The following TOM1L1 variants were observed in gnomAD, a reference collection of about 807,000 sequenced individuals.
The protein encoded by TOM1L1 is target of myb1 like 1 membrane trafficking protein.
A neutral mutation model predicts 63.4 loss-of-function variants in TOM1L1; 64 were observed. The ratio of observed to expected loss-of-function variants is 1.01; its 90% CI spans 0.83 to 1.24. The LOEUF (loss-of-function observed/expected upper bound fraction) is 1.24. TOM1L1 is among the 50% of genes most tolerant of loss of function. TOM1L1 has a pLI of 0.00. For missense variants in TOM1L1, 536 were observed against 567.0 expected (o/e 0.95, Z 0.55); for synonymous variants, 166 against 194.4 (o/e 0.85, Z 1.22).
At chr17:54,949,472 G>A in intron 12 of TOM1L1, 46 bp from the exon 13 acceptor site, 1 of 1,404,206 alleles carries the variant, frequency 7.1e-7, no homozygotes. Context: ...TAAAAGAAAA[G>A]CTTAATGTAG....
At chr17:54,953,027 T>C (rs2049313984) in intron 14 of TOM1L1, 1 of 152,246 alleles carries the variant, frequency 6.6e-6, no homozygotes, top group Non-Finnish European at 1.5e-5. Context: ...CATTTCTTCC[T>C]GGATAGGGTC....
At chr17:54,935,797 AT>A in intron 8 of TOM1L1, among the ~76,000 whole-genome samples, 1 of 152,256 alleles carries the variant, frequency 6.6e-6, no homozygotes, top group African/African-American at 2.4e-5. Flanking sequence ...TAGAAGGTCA[AT>A]TTTTTGGTAT....
At chr17:54,957,425 T>A (rs988426147) in intron 14 of TOM1L1, 1 of 152,240 alleles carries the variant, frequency 6.6e-6, no homozygotes, top group Non-Finnish European at 1.5e-5. Context: ...GTTTTTTTAA[T>A]CAGTTTCTCC....
At chr17:54,915,003 C>T (rs2048564176) in intron 6 of TOM1L1, among the ~76,000 whole-genome samples, 1 of 152,156 alleles carries the variant, frequency 6.6e-6, no homozygotes, top group South Asian at 2.1e-4. Flanking sequence ...CTTTCTGGAG[C>T]CTTGACTGTG....
chr17:54,960,699 T>C (rs2077098843), intron 15 of TOM1L1, 72 bp downstream of exon 15: 3 of 1,229,282 alleles, frequency 2.4e-6, no homozygotes, highest in Admixed American at 1.8e-5. Context: ...CTTTACATAT[T>C]TAGTATTTAA....
At chr17:54,909,231 C>A (rs2048459350) in intron 3 of TOM1L1, among the ~76,000 whole-genome samples, 1 of 152,188 alleles carries the variant, frequency 6.6e-6, no homozygotes, top group Non-Finnish European at 1.5e-5. Context: ...TGCACTCCAG[C>A]CTGGGTGACA....
chr17:54,930,369 C>A, intron 8 of TOM1L1, 163 bp downstream of exon 8: 1 of 859,092 alleles, frequency 1.2e-6, no homozygotes. Flanking sequence ...TTCCCTTGTA[C>A]AGCTCCTACT....
At chr17:54,923,321 G>C (rs1454984856) in intron 7 of TOM1L1, among the ~76,000 whole-genome samples, 1 of 151,960 alleles carries the variant, frequency 6.6e-6, no homozygotes, top group African/African-American at 2.4e-5. Context: ...TTGCACAATG[G>C]CTGCACCATT....
At chr17:54,960,392 A>G (rs950610657) in intron 14 of TOM1L1, among the ~76,000 whole-genome samples, 174 bp from the exon 15 acceptor site, 20 of 152,158 alleles carry the variant, frequency 1.3e-4, no homozygotes, top group Non-Finnish European at 1.5e-5. Context: ...GAAGTGCAAC[A>G]TTAGAATTTA....
intron 12 of TOM1L1, among the ~76,000 whole-genome samples, chr17:54,948,270 CAG>C (rs983156742): frequency 1.3e-5 from 2 of 151,698 alleles, no homozygotes; most frequent in African/African-American, 2.4e-5. Context: ...AAAACAAAAA[CAG>C]GGGCATTCTT....
intron 7 of TOM1L1, among the ~76,000 whole-genome samples, chr17:54,920,624 A>C (rs2048668674): frequency 6.6e-6 from 1 of 152,178 alleles, no homozygotes; most frequent in Non-Finnish European, 1.5e-5. Flanking sequence ...TACTAACCTC[A>C]AAATCAGAGC....
At position 54,906,782 on chromosome 17, in the gene TOM1L1, C is replaced by G. The variant is rs537079356; in HGVS notation, c.222+1215C>G. On this transcript the variant is annotated intron_variant, in intron 3 of 15. Coordinates refer to ENST00000575882, the MANE Select transcript of TOM1L1 (RefSeq NM_005486.3). ...CTTGGCAATATGACCTCTTCAGTCACGTTGGTGAGTTGTCCTTTTTACTTT... is the reference window on the plus strand; with the variant it reads ...CTTGGCAATATGACCTCTTCAGTCAGGTTGGTGAGTTGTCCTTTTTACTTT... 4 of 985,498 alleles carry G rather than the reference C, an allele frequency of 4.1e-6. No homozygotes were observed. The South Asian group carries it at 1.4e-4, about 35-fold the overall frequency. 61.0% of individuals were successfully genotyped at this position (985,498 alleles called of 1,614,324 possible).
chr17:54,931,049 T>C (rs2143860967), intron 8 of TOM1L1, among the ~76,000 whole-genome samples: 2 of 151,422 alleles, frequency 1.3e-5, no homozygotes, highest in South Asian at 4.2e-4. Flanking sequence ...CTAAAAGAAA[T>C]AATAATAAAA....
At chr17:54,901,118 T>A in intron 1 of TOM1L1, 195 bp downstream of exon 1, 2 of 705,618 alleles carry the variant, frequency 2.8e-6, no homozygotes, top group Non-Finnish European at 4.7e-6. Flanking sequence ...CAACTCACTG[T>A]AGAACCTCAG....
chr17:54,915,843 A>G lies in TOM1L1; in HGVS notation c.701A>G (p.Glu234Gly). The G allele has an allele frequency of 6.2e-7, 1 of 1,613,604 alleles. No individual in the cohort carries two copies. Among genetic ancestry groups the G allele is most frequent in the Non-Finnish European group, 8.5e-7 (1 of 1,179,586 alleles). ...MENTPGSENHEDIELLQKLYK... is the reference protein window; with the variant it reads ...MENTPGSENHGDIELLQKLYK... ...AATACTCCTGGGTCTGAAAACCATG[A>G]AGACATAGAGCTTCTGCAGGTGTTG... Residue 234 changes from glutamate (E) to glycine (G), a missense_variant, in exon 7 of 16, where the codon GAA becomes GGA. Coordinates refer to ENST00000575882, the MANE Select transcript of TOM1L1 (RefSeq NM_005486.3).
At chr17:54,909,975 A>G (rs2048471477) in intron 3 of TOM1L1, among the ~76,000 whole-genome samples, 1 of 152,200 alleles carries the variant, frequency 6.6e-6, no homozygotes, top group African/African-American at 2.4e-5. Context: ...GTGACATAAT[A>G]GAGGAGGTGA....
intron 11 of TOM1L1, among the ~76,000 whole-genome samples, chr17:54,941,726 T>C (rs2049034460): frequency 6.6e-6 from 1 of 152,250 alleles, no homozygotes; most frequent in South Asian, 2.1e-4. Flanking sequence ...TAATTCAGTA[T>C]GCATAAAAAT....
chr17:54,908,695 C>A (rs2048450348), intron 3 of TOM1L1, among the ~76,000 whole-genome samples: 2 of 152,100 alleles, frequency 1.3e-5, no homozygotes, highest in African/African-American at 2.4e-5. Context: ...TGTGTTTCAG[C>A]AGAATTTTGT....
chr17:54,949,203 A>ATTTTTTTTTTTTTTTT (rs58407367), intron 12 of TOM1L1, among the ~76,000 whole-genome samples: 3 of 122,294 alleles, frequency 2.5e-5, no homozygotes, highest in African/African-American at 6.4e-5. Flanking sequence ...ATGCCCAGCT[A>ATTTTTTTTTTTTTTTT]TTTTTTTTTT....
Sources: gnomAD v4.1 joint callset for allele counts (sites outside exome capture counted in the v4.1 genomes callset) on GRCh38, gnomAD v4.1.1 for gene constraint, MANE v1.5 for transcripts, NCBI Gene and HGNC (gene_info 2026-07-23, HGNC 2026-07-21) for gene names.